The following NIPAL1 variants were observed in gnomAD, a reference collection of about 807,000 sequenced individuals.
The protein encoded by NIPAL1 is NIPA like domain containing 1, also known as magnesium transporter NIPA3.
In NIPAL1, 35 loss-of-function variants were observed where a neutral mutation model predicts 37.7. The observed-to-expected ratio is 0.93, with a 90% CI of 0.71 to 1.23. The LOEUF is 1.23. NIPAL1 is among the 50% of genes most tolerant of loss of function. The pLI is 0.00. For missense variants in NIPAL1, 412 were observed against 473.9 expected, an observed-to-expected ratio of 0.87 and a Z score of 1.21; for synonymous variants, 162 against 183.0, an observed-to-expected ratio of 0.89 and a Z score of 0.93.
chr4:48,033,403 A>G (rs1387675273), intron 4 of NIPAL1, among the ~76,000 whole-genome samples: 1 of 152,236 alleles, frequency 6.6e-6, no homozygotes, highest in Non-Finnish European at 1.5e-5. Context: ...TTAAAAACCT[A>G]AGACACAGTG....
At chr4:48,021,621 T>C (rs1429504222) in intron 1 of NIPAL1, among the ~76,000 whole-genome samples, 1 of 152,144 alleles carries the variant, frequency 6.6e-6, no homozygotes, top group African/African-American at 2.4e-5. Flanking sequence ...GTGATAGTTA[T>C]ACAGTGGAAT....
chr4:48,021,896 TA>T (rs966017874), intron 1 of NIPAL1, among the ~76,000 whole-genome samples: 1 of 151,214 alleles, frequency 6.6e-6, no homozygotes, highest in African/African-American at 2.4e-5. Context: ...TGTGTATATA[TA>T]TATATATTTA....
chr4:48,026,157 C>T (rs1203946920), intron 2 of NIPAL1, among the ~76,000 whole-genome samples: 1 of 152,020 alleles, frequency 6.6e-6, no homozygotes, highest in Non-Finnish European at 1.5e-5. Context: ...ATAGTAGATT[C>T]TCAAGAACAG....
chr4:48,037,351 G>T lies in NIPAL1; in HGVS notation c.*1179G>T. On this transcript the variant is annotated 3_prime_UTR_variant, in exon 6 of 6. Coordinates refer to ENST00000295461, the MANE Select transcript of NIPAL1 (RefSeq NM_207330.3). The stretch of plus-strand genomic sequence containing the variant: ...TTCTGAAGAAGTCCAGGTGAATTCA[G>T]CTTTGGAGTCACTTATGTTCATTTT... The T allele has an allele frequency of 2.8e-6, 1 of 352,716 alleles. No individual in the cohort carries two copies. The highest frequency in any genetic ancestry group is 5.6e-6 in the Non-Finnish European group (1 of 179,892). The allele number at this position is 352,716 out of a possible 1,614,324, so 21.8% of individuals were successfully genotyped here.
At chr4:48,017,511 A>G (rs321635) in intron 1 of NIPAL1, among the ~76,000 whole-genome samples, 31,808 of 152,206 alleles carry the variant, frequency 0.21, 3,382 homozygotes, top group Middle Eastern at 0.26. Context: ...TTAAGGCGAG[A>G]GCCGTACTGG....
rs1577628525 is a variant in NIPAL1 at position 48,035,988 on chromosome 4, G to A, written c.1049G>A (p.Gly350Asp). 6.2e-7 allele frequency: 1 copy of A among 1,613,352 alleles called. No individual in the cohort carries two copies. The highest frequency in any genetic ancestry group is 1.1e-5 in the South Asian group (1 of 91,014). ...AGTGGATTCTTCACTATTATCATTG[G>A]CATCTTCCTTCTACATGCTTTTAAA... ...TLSGFFTIII[G>D]IFLLHAFKNT... The change falls in exon 6 of 6, where the codon GGC (glycine) becomes GAC (aspartate). Residue 350 changes from glycine to aspartate, a missense_variant. Transcript: ENST00000295461.
Position 48,039,661 on chromosome 4 carries a change from AC to A in NIPAL1, c.*3492del, listed in dbSNP as rs1056749769. ...GTTCAGATTGCACAATTTTCATAAG[AC>A]CCTTTGGATTTAGCACATGAAATTA... On this transcript the variant is annotated 3_prime_UTR_variant, in exon 6 of 6. Coordinates refer to ENST00000295461, the MANE Select transcript of NIPAL1 (RefSeq NM_207330.3). 1 of 152,176 alleles carries A rather than the reference AC, an allele frequency of 6.6e-6. No homozygotes were observed. The highest frequency in any genetic ancestry group is 1.9e-4 in the East Asian group (1 of 5,200). 9.4% of individuals were successfully genotyped at this position (152,176 alleles called of 1,614,324 possible).
intron 2 of NIPAL1, among the ~76,000 whole-genome samples, chr4:48,028,808 GA>G (rs1560324034): frequency 2.0e-5 from 3 of 152,002 alleles, no homozygotes; most frequent in African/African-American, 7.2e-5. Flanking sequence ...ACATATATAT[GA>G]AAAAATCCTC....
chr4:48,024,226 G>A (rs1423635434), intron 1 of NIPAL1, among the ~76,000 whole-genome samples: 2 of 151,654 alleles, frequency 1.3e-5, no homozygotes, highest in East Asian at 1.9e-4. Context: ...TGATCCACCC[G>A]CCTTGGCCAC....
At chr4:48,017,009 C>G (rs1263770348) in intron 1 of NIPAL1, 124 bp downstream of exon 1, 1 of 762,750 alleles carries the variant, frequency 1.3e-6, no homozygotes, top group East Asian at 2.9e-5. Context: ...TAGTCGTTCA[C>G]TCATTCATTC....
rs971524308 is a variant in NIPAL1 at position 48,025,100 on chromosome 4, T to A, written c.79T>A (p.Ser27Thr). Reference protein sequence around the residue: ...YVLSLVCPNSSQAWCEITNVS... With the variant: ...YVLSLVCPNSTQAWCEITNVS... ...GCTGTCTCTGGTCTGTCCAAACTCC[T>A]CCCAGGCTTGGTGTGAGATCACAAA... The change falls in exon 2 of 6, where the codon TCC becomes ACC. Residue 27 changes from serine to threonine, a missense_variant. Ser to Thr is a moderately conservative substitution (Grantham distance 58, BLOSUM62 1). Coordinates refer to ENST00000295461, the MANE Select transcript of NIPAL1 (RefSeq NM_207330.3). 1.2e-6 allele frequency: 2 copies of A among 1,614,058 alleles called. No homozygotes were observed. Among genetic ancestry groups the A allele is most frequent in the Non-Finnish European group, 1.7e-6 (2 of 1,179,882 alleles).
At chr4:48,031,698 A>AT (rs1277075275) in intron 3 of NIPAL1, among the ~76,000 whole-genome samples, 5 of 152,200 alleles carry the variant, frequency 3.3e-5, no homozygotes, top group African/African-American at 9.6e-5. Context: ...AAAAATATAA[A>AT]TAATATAAAG....
At chr4:48,024,353 G>A (rs1422322521) in intron 1 of NIPAL1, among the ~76,000 whole-genome samples, 3 of 151,490 alleles carry the variant, frequency 2.0e-5, no homozygotes, top group African/African-American at 4.9e-5. Context: ...ATCGCAGCTC[G>A]CTGCAGCTTC....
chr4:48,021,217 G>T (rs886482498), intron 1 of NIPAL1, among the ~76,000 whole-genome samples: 1 of 152,118 alleles, frequency 6.6e-6, no homozygotes, highest in South Asian at 2.1e-4. Context: ...GTTTAGAACT[G>T]GTCCATCAGC....
intron 1 of NIPAL1, among the ~76,000 whole-genome samples, chr4:48,019,536 C>T (rs1715524734): frequency 6.6e-6 from 1 of 152,194 alleles, no homozygotes; most frequent in South Asian, 2.1e-4. Flanking sequence ...AGTCCTCTCA[C>T]TCAGAAGAAG....
intron 1 of NIPAL1, among the ~76,000 whole-genome samples, chr4:48,024,646 C>T (rs1396920097): frequency 6.6e-6 from 1 of 152,144 alleles, no homozygotes; most frequent in Non-Finnish European, 1.5e-5. Context: ...ATTCAGGCCC[C>T]ACAAGCCCTG....
chr4:48,017,620 C>T (rs1461128998), intron 1 of NIPAL1, among the ~76,000 whole-genome samples: 1 of 152,160 alleles, frequency 6.6e-6, no homozygotes, highest in Non-Finnish European at 1.5e-5. Flanking sequence ...TTGCCCTTCG[C>T]CAAGTGTTCG....
intron 3 of NIPAL1, among the ~76,000 whole-genome samples, chr4:48,032,244 C>T (rs531517914): frequency 1.3e-5 from 2 of 152,300 alleles, no homozygotes; most frequent in South Asian, 4.1e-4. Context: ...TAGTTGCCAG[C>T]ATGAAATACT....
chr4:48,025,407 A>T (rs2109367565), intron 2 of NIPAL1, 73 bp downstream of exon 2: 4 of 1,358,376 alleles, frequency 2.9e-6, no homozygotes, highest in Non-Finnish European at 4.1e-6. Flanking sequence ...TCTCAGCAAT[A>T]CTCTTATAAA....
Sources: allele counts gnomAD v4.1 joint callset (sites outside exome capture counted in the v4.1 genomes callset), GRCh38; gene constraint gnomAD v4.1.1; transcripts MANE v1.5; gene names NCBI Gene and HGNC (gene_info 2026-07-23, HGNC 2026-07-21).